PLCB1: variants seen among roughly 807,000 people sequenced by gnomAD.
The protein encoded by PLCB1 is 1-phosphatidylinositol 4,5-bisphosphate phosphodiesterase beta-1.
Under a neutral mutation model 161.8 loss-of-function variants are expected in PLCB1, and 46 were observed. That is an observed-to-expected ratio of 0.28 (90% CI 0.22 to 0.36). The LOEUF is 0.36. Among genes scored for constraint, PLCB1 ranks in the 10% least tolerant of loss-of-function variants. The pLI is 1.00. For missense variants in PLCB1, 1,016 were observed against 1,472.5 expected (o/e 0.69, Z 5.07); for synonymous variants, 517 against 503.7 (o/e 1.03, Z -0.35).
intron 3 of PLCB1, among the ~76,000 whole-genome samples, chr20:8,579,639 AT>A (rs1487625187): frequency 6.6e-6 from 1 of 152,222 alleles, no homozygotes; most frequent in African/African-American, 2.4e-5. Flanking sequence ...CATTCATAGG[AT>A]GTGATATCAA....
intron 3 of PLCB1, among the ~76,000 whole-genome samples, chr20:8,419,819 T>C (rs946050862): frequency 6.6e-6 from 1 of 152,204 alleles, no homozygotes; most frequent in African/African-American, 2.4e-5. Context: ...GCATACTTTG[T>C]TTGTAACTTA....
At chr20:8,225,637 CTTGATTTA>C (rs1979640841) in intron 2 of PLCB1, among the ~76,000 whole-genome samples, 1 of 152,178 alleles carries the variant, frequency 6.6e-6, no homozygotes, top group Non-Finnish European at 1.5e-5. Flanking sequence ...TTTTTGCTCT[CTTGATTTA>C]CCTGCCAAGT....
intron 27 of PLCB1, among the ~76,000 whole-genome samples, chr20:8,782,482 T>A (rs759373676): frequency 3.3e-5 from 5 of 152,198 alleles, no homozygotes; most frequent in Non-Finnish European, 7.3e-5. Flanking sequence ...AGCCTCCATC[T>A]CCTGGGCTTT....
intron 31 of PLCB1, among the ~76,000 whole-genome samples, chr20:8,793,051 T>C (rs1436069260): frequency 6.6e-6 from 1 of 152,184 alleles, no homozygotes; most frequent in Non-Finnish European, 1.5e-5. Flanking sequence ...CATCTAGTAC[T>C]GAAACAGGCT....
chr20:8,849,750 C>T (rs1256855304), intron 31 of PLCB1, among the ~76,000 whole-genome samples: 1 of 151,816 alleles, frequency 6.6e-6, no homozygotes, highest in Admixed American at 6.6e-5. Flanking sequence ...CGCGATGGCT[C>T]ATGCCTGTAA....
At chr20:8,381,250 A>T (rs1393258554) in intron 3 of PLCB1, among the ~76,000 whole-genome samples, 1 of 152,180 alleles carries the variant, frequency 6.6e-6, no homozygotes, top group Non-Finnish European at 1.5e-5. Flanking sequence ...ACATATATTG[A>T]TTTGCATATG....
At chr20:8,364,935 ATCTTTT>A (rs1390688112) in intron 2 of PLCB1, among the ~76,000 whole-genome samples, 16 of 152,238 alleles carry the variant, frequency 1.1e-4, no homozygotes, top group Admixed American at 7.8e-4. Flanking sequence ...AGGTTTTCAG[ATCTTTT>A]TCTTTTTCTT....
intron 9 of PLCB1, among the ~76,000 whole-genome samples, chr20:8,663,943 G>A (rs1820377194): frequency 6.6e-6 from 1 of 152,106 alleles, no homozygotes; most frequent in African/African-American, 2.4e-5. Flanking sequence ...GAAAGACAGT[G>A]AGTAAAATTA....
chr20:8,159,069 G>A (rs1188693870), intron 2 of PLCB1, among the ~76,000 whole-genome samples: 1 of 152,062 alleles, frequency 6.6e-6, no homozygotes, highest in Non-Finnish European at 1.5e-5. Context: ...AGTTGGGACT[G>A]GGGGCTCCAA....
chr20:8,274,201 A>G (rs913183991), intron 2 of PLCB1, among the ~76,000 whole-genome samples: 4 of 152,288 alleles, frequency 2.6e-5, no homozygotes, highest in Admixed American at 6.5e-5. Flanking sequence ...ATGTGTGTCA[A>G]ATAGTGAAAA....
chr20:8,547,279 T>C (rs1985588669), intron 3 of PLCB1, among the ~76,000 whole-genome samples: 1 of 152,226 alleles, frequency 6.6e-6, no homozygotes, highest in African/African-American at 2.4e-5. Flanking sequence ...GGACTACTGT[T>C]TTTTTAAATA....
intron 2 of PLCB1, among the ~76,000 whole-genome samples, chr20:8,237,271 C>A (rs1980375963): frequency 6.6e-6 from 1 of 151,718 alleles, no homozygotes; most frequent in African/African-American, 2.4e-5. Flanking sequence ...ATAGTGGAAT[C>A]GTAGGCAGAC....
intron 3 of PLCB1, among the ~76,000 whole-genome samples, chr20:8,384,328 G>A (rs1987355659): frequency 6.6e-6 from 1 of 151,582 alleles, no homozygotes; most frequent in African/African-American, 2.4e-5. Flanking sequence ...ATTGATACTT[G>A]TGCATGCTTC....
At chr20:8,434,161 T>C (rs1432123008) in intron 3 of PLCB1, among the ~76,000 whole-genome samples, 1 of 152,234 alleles carries the variant, frequency 6.6e-6, no homozygotes, top group Non-Finnish European at 1.5e-5. Context: ...TGACAGTTGG[T>C]TAATTCATGT....
At chr20:8,610,042 A>G (rs927572254) in intron 3 of PLCB1, among the ~76,000 whole-genome samples, 2 of 152,152 alleles carry the variant, frequency 1.3e-5, no homozygotes, top group Non-Finnish European at 2.9e-5. Flanking sequence ...CCCCCTACCC[A>G]TTAATAAGCA....
intron 2 of PLCB1, among the ~76,000 whole-genome samples, chr20:8,173,717 T>TA (rs1568578138): frequency 6.6e-6 from 1 of 152,104 alleles, no homozygotes; most frequent in African/African-American, 2.4e-5. Flanking sequence ...GCAGCCACCA[T>TA]AAAAAATGTT....
intron 3 of PLCB1, among the ~76,000 whole-genome samples, chr20:8,568,227 A>T (rs1463617668): frequency 6.6e-6 from 1 of 152,224 alleles, no homozygotes; most frequent in Non-Finnish European, 1.5e-5. Flanking sequence ...AAACTTTAAA[A>T]TATGAAACAT....
At chr20:8,268,119 C>A (rs1600275074) in intron 2 of PLCB1, among the ~76,000 whole-genome samples, 1 of 151,994 alleles carries the variant, frequency 6.6e-6, no homozygotes, top group African/African-American at 2.4e-5. Context: ...CTCCCCTCTC[C>A]CCCCACCTCA....
chr20:8,549,522 A>C (rs1250304426), intron 3 of PLCB1, among the ~76,000 whole-genome samples: 1 of 152,160 alleles, frequency 6.6e-6, no homozygotes, highest in Non-Finnish European at 1.5e-5. Context: ...GACCAGGTGG[A>C]GATAAATGAA....
Sources: gnomAD v4.1 joint callset for allele counts (sites outside exome capture counted in the v4.1 genomes callset) on GRCh38, gnomAD v4.1.1 for gene constraint, MANE v1.5 for transcripts, NCBI Gene and HGNC (gene_info 2026-07-23, HGNC 2026-07-21) for gene names.